The following PHF2 variants were observed in gnomAD, a reference collection of about 807,000 sequenced individuals.
PHF2 encodes PHD finger protein 2.
Under a neutral mutation model 120.5 loss-of-function variants are expected in PHF2, and 27 were observed. That is an observed-to-expected ratio of 0.22 (90% CI 0.17 to 0.31). The LOEUF (loss-of-function observed/expected upper bound fraction) is 0.31. Ranked by LOEUF, PHF2 falls within the 10% of genes least tolerant of loss-of-function variation. The probability of loss-of-function intolerance (pLI) is 1.00; values close to 1 mark genes in which losing one functional copy is unlikely to be tolerated. For missense variants in PHF2, 1,024 were observed against 1,434.8 expected, an observed-to-expected ratio of 0.71 and a Z score of 4.63; for synonymous variants, 568 against 592.5, an observed-to-expected ratio of 0.96 and a Z score of 0.60.
chr9:93,596,794 T>G (rs925412871), intron 1 of PHF2, among the ~76,000 whole-genome samples: 15 of 152,066 alleles, frequency 9.9e-5, no homozygotes, highest in African/African-American at 3.6e-4. Context: ...AGTCTCACTC[T>G]GTTGCCCAGG....
rs527565548 is a variant in PHF2 at position 93,656,943 on chromosome 9, C to G, written c.1147+348C>G. On this transcript the variant is annotated intron_variant, in intron 9 of 21. Transcript: ENST00000359246. The surrounding 1 kb of genome is among the most constrained non-coding windows in gnomAD (Gnocchi z 4.1). ...GGAGGGTGGAGCCCTGGCTCTGTCA[C>G]CAGCTGAGGAGTGGGTGCGAGTGGG... is the stretch of plus-strand genomic sequence containing the variant. Among the ~76,000 whole-genome samples, 1 of 152,128 alleles carries G rather than the reference C, an allele frequency of 6.6e-6. No individual in the cohort carries two copies. The highest frequency in any genetic ancestry group is 2.4e-5 in the African/African-American group (1 of 41,434).
Position 93,662,815 on chromosome 9 carries a change from A to G in PHF2, c.1699-92A>G, listed in dbSNP as rs1428866758. The G allele has an allele frequency of 3.3e-6, 5 of 1,499,526 alleles. No individual in the cohort carries two copies. The African/African-American group carries it at 5.5e-5, about 17-fold the overall frequency. 92.9% of individuals were successfully genotyped at this position (1,499,526 alleles called of 1,614,324 possible). On this transcript the variant is annotated intron_variant, in intron 12 of 21. Coordinates refer to ENST00000359246, the MANE Select transcript of PHF2 (RefSeq NM_005392.4). The stretch of plus-strand genomic sequence containing the variant: ...GGATGGAGGCTTGAGCTGCAAGCAC[A>G]TGGGCCAGAAGAAGACAGGGAATCT...
intron 1 of PHF2, among the ~76,000 whole-genome samples, chr9:93,585,248 C>T (rs576641754): frequency 2.2e-4 from 34 of 152,312 alleles, no homozygotes; most frequent in African/African-American, 6.3e-4. Flanking sequence ...TCGAACTAGG[C>T]GTTTTCCATA....
At chr9:93,589,035 G>GAAGA (rs1010681908) in intron 1 of PHF2, among the ~76,000 whole-genome samples, 6 of 152,320 alleles carry the variant, frequency 3.9e-5, no homozygotes, top group African/African-American at 1.4e-4. Flanking sequence ...ATCAAGTGAA[G>GAAGA]AAGAGAGGGA....
intron 2 of PHF2, among the ~76,000 whole-genome samples, chr9:93,631,331 AG>A (rs2131654282): frequency 6.6e-6 from 1 of 152,310 alleles, no homozygotes; most frequent in East Asian, 1.9e-4. Context: ...CCCTATCCCC[AG>A]CACAGCCTCA....
intron 12 of PHF2, 100 bp downstream of exon 12, chr9:93,660,660 G>A (rs1388745384): frequency 5.1e-6 from 6 of 1,166,802 alleles, no homozygotes; most frequent in African/African-American, 4.7e-5. Flanking sequence ...CATTGTCCTT[G>A]TTCCCCAGGG....
chr9:93,656,708 G>A lies in PHF2; in HGVS notation c.1147+113G>A. 1.4e-6 allele frequency: 1 copy of A among 718,068 alleles called. No homozygotes were observed. The allele number at this position is 718,068 out of a possible 1,614,324, so 44.5% of individuals were successfully genotyped here. ...TGAGTGCCGCCTTCCTGTGGCCTGAGCAAGTCCTCTTGGGACTCAGACCCC... is the reference window on the plus strand; with the variant it reads ...TGAGTGCCGCCTTCCTGTGGCCTGAACAAGTCCTCTTGGGACTCAGACCCC... On this transcript the variant is annotated intron_variant, in intron 9 of 21. Coordinates refer to ENST00000359246, the MANE Select transcript of PHF2 (RefSeq NM_005392.4). This position sits in a 1 kb window ranked among gnomAD's most constrained non-coding sequence, Gnocchi z 4.1.
intron 14 of PHF2, among the ~76,000 whole-genome samples, chr9:93,664,529 G>A (rs1826640891): frequency 6.6e-6 from 1 of 152,210 alleles, no homozygotes; most frequent in Non-Finnish European, 1.5e-5. Context: ...CCAGGTTGTA[G>A]TTTCCTCATT....
intron 1 of PHF2, among the ~76,000 whole-genome samples, chr9:93,591,755 A>G (rs530125348): frequency 1.0e-3 from 159 of 152,268 alleles, no homozygotes; most frequent in Non-Finnish European, 1.8e-3. Flanking sequence ...GTGATAATCT[A>G]CGTCACAGCT....
chr9:93,678,964 AG>A lies in PHF2; in HGVS notation c.*1289del. ...ACACTCTGTCTTTACAGAAGCAAAT[AG>A]TACACAAAAGATCTATTTCAGACAC... On this transcript the variant is annotated 3_prime_UTR_variant, in exon 22 of 22. Transcript: ENST00000359246. 1.0e-5 allele frequency: 3 copies of A among 289,504 alleles called. No homozygotes were observed. Among genetic ancestry groups the A allele is most frequent in the South Asian group, 8.7e-5 (3 of 34,468 alleles). 17.9% of individuals were successfully genotyped at this position (289,504 alleles called of 1,614,324 possible). A position where few individuals can be genotyped will look rare whatever the true frequency, so the allele number is the denominator to read the frequency against.
Position 93,627,038 on chromosome 9 carries a change from C to T in PHF2, c.99-2932C>T, listed in dbSNP as rs539031744. The stretch of plus-strand genomic sequence containing the variant: ...TTCTTAGCTTTTCCATTTCTGTAAA[C>T]AAAGTTGTTGGGATTTTGATAGGGA... On this transcript the variant is annotated intron_variant, in intron 1 of 21. Transcript: ENST00000359246. Among the ~76,000 whole-genome samples, 8 of 152,244 alleles carry T rather than the reference C, an allele frequency of 5.3e-5. No individual in the cohort carries two copies. In the South Asian group the frequency reaches 1.7e-3, roughly 32 times the overall value.
chr9:93,616,908 G>A (rs1479054023), intron 1 of PHF2, among the ~76,000 whole-genome samples: 4 of 152,018 alleles, frequency 2.6e-5, no homozygotes, highest in South Asian at 2.1e-4. Flanking sequence ...CACCCACCTC[G>A]GCCTCCCAAA....
chr9:93,596,299 A>T (rs1435055897), intron 1 of PHF2, among the ~76,000 whole-genome samples: 1 of 152,100 alleles, frequency 6.6e-6, no homozygotes, highest in East Asian at 1.9e-4. Context: ...GAGCTGACTG[A>T]AGCTTCATTG....
At chr9:93,655,882 G>T in intron 7 of PHF2, 52 bp from the exon 8 acceptor site, 3 of 1,364,212 alleles carry the variant, frequency 2.2e-6, no homozygotes, top group East Asian at 2.4e-5. Flanking sequence ...GCCATGAGAA[G>T]CCCGTTCATG....
intron 9 of PHF2, among the ~76,000 whole-genome samples, chr9:93,657,494 C>A (rs10761250): frequency 0.33 from 50,192 of 152,128 alleles, 8,802 homozygotes; most frequent in Non-Finnish European, 0.39. Context: ...TGGGAAGCCA[C>A]CCCACAGGGC....
chr9:93,661,771 G>A (rs903591025), intron 12 of PHF2, among the ~76,000 whole-genome samples: 2 of 148,022 alleles, frequency 1.4e-5, no homozygotes, highest in Non-Finnish European at 3.0e-5. Context: ...AAGATGGATG[G>A]GTAGATGGAT....
chr9:93,672,523 T>C (rs1373770396), intron 17 of PHF2: 1 of 984,734 alleles, frequency 1.0e-6, no homozygotes, highest in Non-Finnish European at 1.2e-6. Context: ...TAGGTACAGG[T>C]GCAGATGCAG....
chr9:93,597,536 G>T lies in PHF2; in HGVS notation c.98+20665G>T, dbSNP rs192211251. On this transcript the variant is annotated intron_variant, in intron 1 of 21. Transcript: ENST00000359246. ...AGTCAGGCTGTGGGGCAGGAAGCGG[G>T]GTTGGGGGTGGCATTGGGGGCAGGC... Among the ~76,000 whole-genome samples, 88 of 152,232 alleles carry T rather than the reference G, an allele frequency of 5.8e-4. 1 individual carries two copies. Among genetic ancestry groups the T allele is most frequent in the Admixed American group, 1.7e-3 (26 of 15,294 alleles).
chr9:93,582,251 C>T (rs1862945354), intron 1 of PHF2, among the ~76,000 whole-genome samples: 1 of 152,162 alleles, frequency 6.6e-6, no homozygotes, highest in South Asian at 2.1e-4. Context: ...GAGGTGGCAC[C>T]TGGCTTAGGT....
Sources: allele counts gnomAD v4.1 joint callset (sites outside exome capture counted in the v4.1 genomes callset), GRCh38; gene constraint gnomAD v4.1.1; non-coding constraint Gnocchi (gnomAD v3.1); transcripts MANE v1.5; gene names NCBI Gene and HGNC (gene_info 2026-07-23, HGNC 2026-07-21).